OR51C1: variants seen among roughly 807,000 people sequenced by gnomAD.
OR51C1 encodes the protein olfactory receptor family 51 subfamily C member 1, also known as olfactory receptor OR51C1.
chr11:4,693,295 A>C, the OR51C1 span, among the ~76,000 whole-genome samples: 1 of 152,360 alleles, frequency 6.6e-6, no homozygotes, highest in Middle Eastern at 3.4e-3. Flanking sequence ...AAAAGGAATT[A>C]CCAGAAAGAG....
At chr11:4,692,799 C>A in the OR51C1 span, among the ~76,000 whole-genome samples, 1 of 147,524 alleles carries the variant, frequency 6.8e-6, no homozygotes, top group Non-Finnish European at 1.5e-5. Context: ...TCCAGACTCA[C>A]ACATTCACCC....
the OR51C1 span, among the ~76,000 whole-genome samples, chr11:4,695,294 C>T: frequency 0.045 from 6,919 of 152,252 alleles, 233 homozygotes; most frequent in Non-Finnish European, 0.069. Context: ...TCCTTTCCCT[C>T]TTTAGTATCT....
the OR51C1 span, among the ~76,000 whole-genome samples, chr11:4,693,724 AAAAC>A: frequency 3.9e-5 from 6 of 152,106 alleles, no homozygotes; most frequent in East Asian, 1.9e-4. Context: ...TCCGTTTCAA[AAAAC>A]AAACAAACAA....
chr11:4,690,873 A>T, the OR51C1 span: 1 of 456,642 alleles, frequency 2.2e-6, no homozygotes, highest in South Asian at 1.5e-5. Flanking sequence ...GTTAGCAATC[A>T]TAGTATGTAC....
At chr11:4,692,038 C>A in the OR51C1 span, 1 of 349,180 alleles carries the variant, frequency 2.9e-6, no homozygotes, top group Non-Finnish European at 5.7e-6. Context: ...CTGAGTTTGC[C>A]AATCATATTT....
At chr11:4,694,573 T>TACAC in the OR51C1 span, among the ~76,000 whole-genome samples, 21 of 118,982 alleles carry the variant, frequency 1.8e-4, no homozygotes, top group African/African-American at 3.7e-4. Flanking sequence ...TACATATATA[T>TACAC]ATACACACAC....
At chr11:4,691,105 C>A in the OR51C1 span, 2 of 456,728 alleles carry the variant, frequency 4.4e-6, no homozygotes, top group East Asian at 6.9e-5. Flanking sequence ...GTCAGCCCAA[C>A]TGCACTGTTG....
At chr11:4,693,381 G>A in the OR51C1 span, among the ~76,000 whole-genome samples, 142,521 of 152,260 alleles carry the variant, frequency 0.94, 67,027 homozygotes, top group Non-Finnish European at 0.98. Flanking sequence ...TGTGTTTTAT[G>A]TAAGTTGAGA....
chr11:4,691,883 G>A, the OR51C1 span, among the ~76,000 whole-genome samples: 1 of 152,134 alleles, frequency 6.6e-6, no homozygotes, highest in Non-Finnish European at 1.5e-5. Context: ...CTGCTGTAGT[G>A]GGCACTTTGG....
At chr11:4,697,137 T>G in the OR51C1 span, among the ~76,000 whole-genome samples, 1 of 152,224 alleles carries the variant, frequency 6.6e-6, no homozygotes, top group Admixed American at 6.5e-5. Flanking sequence ...TGAAACATAT[T>G]TGAAATCACA....
chr11:4,697,253 A>C, the OR51C1 span, among the ~76,000 whole-genome samples: 2 of 152,180 alleles, frequency 1.3e-5, no homozygotes, highest in Non-Finnish European at 2.9e-5. Context: ...AGTAATATAA[A>C]CTTTCTGTGA....
At chr11:4,694,575 T>TATATATAC in the OR51C1 span, among the ~76,000 whole-genome samples, 69 of 147,950 alleles carry the variant, frequency 4.7e-4, no homozygotes, top group Non-Finnish European at 8.9e-4. Flanking sequence ...CATATATATA[T>TATATATAC]ACACACACAC....
the OR51C1 span, among the ~76,000 whole-genome samples, chr11:4,695,211 C>A: frequency 2.0e-5 from 3 of 152,110 alleles, no homozygotes; most frequent in Admixed American, 2.0e-4. Flanking sequence ...TTTTATTGAC[C>A]ACTGGAAGCA....
At chr11:4,694,409 A>T in the OR51C1 span, among the ~76,000 whole-genome samples, 2 of 151,780 alleles carry the variant, frequency 1.3e-5, no homozygotes, top group Non-Finnish European at 2.9e-5. Context: ...TTTCCTAGCC[A>T]ATAACTCCAC....
chr11:4,696,043 T>C, the OR51C1 span, among the ~76,000 whole-genome samples: 1 of 152,146 alleles, frequency 6.6e-6, no homozygotes, highest in African/African-American at 2.4e-5. Context: ...AAGTTTCTGG[T>C]TTTAAGCGTA....
chr11:4,692,906 A>G, the OR51C1 span, among the ~76,000 whole-genome samples: 1 of 152,170 alleles, frequency 6.6e-6, no homozygotes, highest in African/African-American at 2.4e-5. Context: ...AGAAAACTAG[A>G]TGAAAAACAA....
At chr11:4,691,492 T>C in the OR51C1 span, 6 of 456,262 alleles carry the variant, frequency 1.3e-5, no homozygotes, top group African/African-American at 1.2e-4. Flanking sequence ...CCGAGGTCAG[T>C]GGCGGACAGC....
chr11:4,696,884 G>A, the OR51C1 span, among the ~76,000 whole-genome samples: 2 of 152,152 alleles, frequency 1.3e-5, no homozygotes, highest in Non-Finnish European at 2.9e-5. Flanking sequence ...TGGCTATCAT[G>A]TGTGACTGAC....
the OR51C1 span, chr11:4,690,817 C>T: frequency 2.3e-6 from 1 of 442,550 alleles, no homozygotes; most frequent in African/African-American, 2.0e-5. Flanking sequence ...TTGGTTTTCA[C>T]ACTGTAGATG....
Sources: allele counts gnomAD v4.1 joint callset (sites outside exome capture counted in the v4.1 genomes callset), GRCh38; gene constraint gnomAD v4.1.1; transcripts MANE v1.5; gene names NCBI Gene and HGNC (gene_info 2026-07-23, HGNC 2026-07-21).